Variants in NELL2 observed in about 807,000 individuals in gnomAD.
NELL2 encodes the protein neural EGFL like 2.
Under a neutral mutation model 109.6 loss-of-function variants are expected in NELL2, and 41 were observed. That is an observed-to-expected ratio of 0.37 (90% confidence interval 0.29 to 0.49). The LOEUF (loss-of-function observed/expected upper bound fraction) is 0.49. Among genes scored for constraint, NELL2 ranks in the 20% least tolerant of loss-of-function variants. The probability of loss-of-function intolerance (pLI) is 0.98; values close to 1 mark genes in which losing one functional copy is unlikely to be tolerated. For synonymous variants in NELL2, 355 were observed against 344.7 expected, an observed-to-expected ratio of 1.03 and a Z score of -0.33; for missense variants, 900 against 1,008.3, an observed-to-expected ratio of 0.89 and a Z score of 1.45.
At position 44,588,355 on chromosome 12, in the gene NELL2, C is replaced by A. The variant is rs117632384; in HGVS notation, c.1663+18814G>T. Reference sequence around the variant, plus strand: ...GAGGCAGCCTGAGCCATCAGGAACACCCTCCCAAGCCAAGCTTCACGGCCA... The same window carrying A: ...GAGGCAGCCTGAGCCATCAGGAACAACCTCCCAAGCCAAGCTTCACGGCCA... On this transcript the variant is annotated intron_variant, in intron 15 of 19. Coordinates refer to ENST00000429094, the MANE Select transcript of NELL2 (RefSeq NM_001145108.2). Among the ~76,000 whole-genome samples the A allele has an allele frequency of 7.6e-3, 1,162 of 152,194 alleles. 20 individuals are homozygous for A. Among genetic ancestry groups the A allele is most frequent in the East Asian group, 0.048 (245 of 5,140 alleles).
intron 15 of NELL2, among the ~76,000 whole-genome samples, chr12:44,539,693 A>T (rs1433439888): frequency 6.6e-6 from 1 of 152,142 alleles, no homozygotes; most frequent in Non-Finnish European, 1.5e-5. Flanking sequence ...AATTTCCTTC[A>T]TATCACAGTA....
At chr12:44,601,443 T>C (rs1042039197) in intron 15 of NELL2, among the ~76,000 whole-genome samples, 2 of 152,192 alleles carry the variant, frequency 1.3e-5, no homozygotes, top group African/African-American at 4.8e-5. Context: ...AAAGCAATTT[T>C]AAGCAAATGT....
chr12:44,582,757 A>T (rs1425223880), intron 15 of NELL2, among the ~76,000 whole-genome samples: 1 of 152,118 alleles, frequency 6.6e-6, no homozygotes, highest in East Asian at 1.9e-4. Flanking sequence ...CTATGGTTTG[A>T]ATGTGTCACT....
At chr12:44,771,410 T>C (rs1002080551) in intron 9 of NELL2, among the ~76,000 whole-genome samples, 13 of 152,112 alleles carry the variant, frequency 8.5e-5, no homozygotes, top group African/African-American at 2.9e-4. Context: ...CTCTGAGACC[T>C]CTAACTAACT....
rs751135728 is a variant in NELL2 at position 44,574,820 on chromosome 12, G to T, written c.1663+32349C>A. Among the ~76,000 whole-genome samples, 50 of 152,138 alleles carry T rather than the reference G, an allele frequency of 3.3e-4. 1 individual carries two copies. The highest frequency in any genetic ancestry group is 2.6e-4 in the Non-Finnish European group (18 of 68,024). ...TCTCTTATCTTTGTTAGGTATTTAT[G>T]ATGTTACTGACTCATTGAGGCCTTC... On this transcript the variant is annotated intron_variant, in intron 15 of 19. Coordinates refer to ENST00000429094, the MANE Select transcript of NELL2 (RefSeq NM_001145108.2).
At chr12:44,606,248 C>T (rs1945397870) in intron 15 of NELL2, among the ~76,000 whole-genome samples, 1 of 152,122 alleles carries the variant, frequency 6.6e-6, no homozygotes, top group Non-Finnish European at 1.5e-5. Flanking sequence ...TGGAGCAGAA[C>T]ATTTTCTGTC....
In NELL2 at chr12:44,867,764, T is replaced by G. The variant is rs192862220; in HGVS notation, c.184+7461A>C. 2.8e-3 allele frequency among the ~76,000 whole-genome samples: 420 copies of G among 152,228 alleles called. 4 individuals are homozygous for G. Among genetic ancestry groups the G allele is most frequent in the African/African-American group, 9.6e-3 (399 of 41,546 alleles). On this transcript the variant is annotated intron_variant, in intron 2 of 19. Transcript: ENST00000429094. ...CCAAAAAATTGTCAGAACTAATAAA[T>G]GATTTCAGTAGAGTTTCAGGATATC...
upstream of NELL2, among the ~76,000 whole-genome samples, chr12:44,878,974 G>T (rs73281087): frequency 6.0e-3 from 918 of 152,238 alleles, 6 homozygotes; most frequent in African/African-American, 0.021. Context: ...TGTTAATCAG[G>T]TAACCTTAAA....
chr12:44,528,454 T>A (rs1370700976), intron 16 of NELL2, among the ~76,000 whole-genome samples: 1 of 152,238 alleles, frequency 6.6e-6, no homozygotes, highest in African/African-American at 2.4e-5. Context: ...TACTTTTAAC[T>A]ACATATACAT....
rs143763895 is a variant in NELL2 at position 44,717,674 on chromosome 12, A to G, written c.995-2933T>C. On this transcript the variant is annotated intron_variant, in intron 9 of 19. Coordinates refer to ENST00000429094, the MANE Select transcript of NELL2 (RefSeq NM_001145108.2). ...AACAAGGGAAGAAAATGGTTTTACT[A>G]GAGTCCAGTGTAAGCCAGAATTATG... Among the ~76,000 whole-genome samples, 723 of 152,322 alleles carry G rather than the reference A, an allele frequency of 4.7e-3. 2 individuals are homozygous for G. The highest frequency in any genetic ancestry group is 0.021 in the Middle Eastern group (6 of 290).
chr12:44,599,960 G>GC (rs1555183455), intron 15 of NELL2, among the ~76,000 whole-genome samples: 2 of 111,268 alleles, frequency 1.8e-5, no homozygotes, highest in African/African-American at 6.6e-5. Context: ...CTAGAATTCC[G>GC]TTTTTTTTTT....
At chr12:44,863,355 C>T (rs963349198) in intron 2 of NELL2, among the ~76,000 whole-genome samples, 1 of 152,148 alleles carries the variant, frequency 6.6e-6, no homozygotes. Context: ...TATATCATGA[C>T]ATATTATAAT....
At chr12:44,570,074 C>T (rs1384753127) in intron 15 of NELL2, among the ~76,000 whole-genome samples, 1 of 151,976 alleles carries the variant, frequency 6.6e-6, no homozygotes, top group Non-Finnish European at 1.5e-5. Flanking sequence ...TTAAAAGTAC[C>T]CTGTCTATGG....
At chr12:44,733,964 A>C (rs967072401) in intron 9 of NELL2, among the ~76,000 whole-genome samples, 1 of 152,024 alleles carries the variant, frequency 6.6e-6, no homozygotes, top group East Asian at 1.9e-4. Flanking sequence ...TGGGTGCTTA[A>C]AGGCTTATGT....
chr12:44,580,401 A>C (rs1944278701), intron 15 of NELL2, among the ~76,000 whole-genome samples: 1 of 152,120 alleles, frequency 6.6e-6, no homozygotes, highest in Non-Finnish European at 1.5e-5. Context: ...AGTGACACAA[A>C]GTAAGTGCTC....
In NELL2 at chr12:44,733,119, T is replaced by C. The variant is rs976414065; in HGVS notation, c.995-18378A>G. On this transcript the variant is annotated intron_variant, in intron 9 of 19. Transcript: ENST00000429094. ...TGGAAACTGTTGCTGGGAATGTAAA[T>C]GTGCAGACTCCACAGAAAACAGCAT... Among the ~76,000 whole-genome samples, 5 of 152,034 alleles carry C rather than the reference T, an allele frequency of 3.3e-5. No individual in the cohort carries two copies. The South Asian group carries it at 1.0e-3, about 32-fold the overall frequency.
At chr12:44,621,966 G>C (rs1210216179) in intron 13 of NELL2, among the ~76,000 whole-genome samples, 2 of 151,946 alleles carry the variant, frequency 1.3e-5, no homozygotes, top group African/African-American at 4.8e-5. Context: ...ACGCTGTCAG[G>C]GATTGTTAAT....
intron 9 of NELL2, among the ~76,000 whole-genome samples, chr12:44,737,783 A>G (rs529905179): frequency 6.6e-6 from 1 of 152,210 alleles, no homozygotes; most frequent in South Asian, 2.1e-4. Flanking sequence ...TCCATTCTGC[A>G]TACCTTCCCC....
At chr12:44,524,065 CT>C (rs1378472445) in intron 16 of NELL2, among the ~76,000 whole-genome samples, 9 of 152,160 alleles carry the variant, frequency 5.9e-5, no homozygotes, top group Non-Finnish European at 1.3e-4. Flanking sequence ...TAGACCTTGA[CT>C]CTCAACCACA....
Sources: gnomAD v4.1 joint callset for allele counts (sites outside exome capture counted in the v4.1 genomes callset) on GRCh38, gnomAD v4.1.1 for gene constraint, MANE v1.5 for transcripts, NCBI Gene and HGNC (gene_info 2026-07-23, HGNC 2026-07-21) for gene names.